Variants in KCNH8 observed in about 807,000 individuals in gnomAD.
The protein encoded by KCNH8 is potassium voltage-gated channel subfamily H member 8.
In KCNH8, 70 loss-of-function variants were observed where a neutral mutation model predicts 103.6. The observed-to-expected ratio is 0.68, with a 90% CI of 0.56 to 0.82. KCNH8 has a LOEUF of 0.82. Among genes scored for constraint, KCNH8 ranks in the 40% least tolerant of loss-of-function variants. KCNH8 has a pLI of 0.00. For synonymous variants in KCNH8, 498 were observed against 489.4 expected (o/e 1.02, Z -0.23); for missense variants, 1,217 against 1,329.9 (o/e 0.92, Z 1.32).
chr3:19,194,999 T>C (rs1407264618), intron 1 of KCNH8, among the ~76,000 whole-genome samples: 4 of 151,870 alleles, frequency 2.6e-5, no homozygotes, highest in Admixed American at 2.6e-4. Context: ...GTTAAAAGCA[T>C]TATGAGCAAG....
intron 1 of KCNH8, among the ~76,000 whole-genome samples, chr3:19,173,285 A>ACCTG (rs1262011587): frequency 1.1e-4 from 17 of 152,272 alleles, no homozygotes; most frequent in South Asian, 1.0e-3. Flanking sequence ...TGAGCACTGG[A>ACCTG]CCGGCAATGT....
In KCNH8 at chr3:19,518,018, G is replaced by C. The variant is rs148330866; in HGVS notation, c.2563G>C (p.Val855Leu). The change falls in exon 15 of 16, where the codon GTT becomes CTT. Residue 855 changes from valine to leucine, a missense_variant. This residue lies in a region of KCNH8 where 558 missense variants were observed against 495.8 expected (regional missense o/e 1.13). Coordinates refer to ENST00000328405, the MANE Select transcript of KCNH8 (RefSeq NM_144633.3). Reference protein sequence around the residue: ...PLGDPEIGAAVLFIKAEETKQ... With the variant: ...PLGDPEIGAALLFIKAEETKQ... ...TTCAGATCCAGAGATTGGAGCTGCT[G>C]TTCTCTTCATCAAAGCAGAGGAGAC... 6.7e-3 allele frequency: 10,732 copies of C among 1,612,168 alleles called. 66 individuals carry two copies. Among genetic ancestry groups the C allele is most frequent in the South Asian group, 0.019 (1,708 of 91,036 alleles).
chr3:19,149,365 C>T (rs980762213), intron 1 of KCNH8, among the ~76,000 whole-genome samples: 1 of 151,986 alleles, frequency 6.6e-6, no homozygotes, highest in Middle Eastern at 3.4e-3. Flanking sequence ...TCTTTTAATC[C>T]TTAAATGAGC....
intron 3 of KCNH8, among the ~76,000 whole-genome samples, chr3:19,338,841 T>A (rs2065620472): frequency 6.6e-6 from 1 of 152,160 alleles, no homozygotes; most frequent in African/African-American, 2.4e-5. Context: ...GTTTCATTCA[T>A]TTCCCATTTA....
rs139695788 is a variant in KCNH8, at chr3:19,215,190, G to T, written c.77-38464G>T. 3.6e-3 allele frequency among the ~76,000 whole-genome samples: 543 copies of T among 152,326 alleles called. 6 individuals carry two copies. Among genetic ancestry groups the T allele is most frequent in the African/African-American group, 0.012 (509 of 41,586 alleles). ...CATCAGGTTTATTTGGGGTAGAGTA[G>T]TTCTCCATTTCCTGGGAATTGTGCA... On this transcript the variant is annotated intron_variant, in intron 1 of 15. Coordinates refer to ENST00000328405, the MANE Select transcript of KCNH8 (RefSeq NM_144633.3).
chr3:19,345,508 G>C (rs2125318738), intron 4 of KCNH8, among the ~76,000 whole-genome samples: 1 of 152,126 alleles, frequency 6.6e-6, no homozygotes, highest in Admixed American at 6.6e-5. Flanking sequence ...AAATATGCTT[G>C]AAGATTAATA....
intron 1 of KCNH8, among the ~76,000 whole-genome samples, chr3:19,175,431 G>A (rs1240448966): frequency 6.6e-6 from 1 of 151,848 alleles, no homozygotes; most frequent in Non-Finnish European, 1.5e-5. Flanking sequence ...CCGTGGTCTC[G>A]ATCTCCTGAC....
At chr3:19,325,896 A>G (rs2065416198) in intron 3 of KCNH8, among the ~76,000 whole-genome samples, 1 of 152,236 alleles carries the variant, frequency 6.6e-6, no homozygotes, top group African/African-American at 2.4e-5. Flanking sequence ...ATGTATGTTC[A>G]TTGAAGCATT....
chr3:19,309,732 T>G (rs1575516290), intron 3 of KCNH8, among the ~76,000 whole-genome samples: 1 of 151,900 alleles, frequency 6.6e-6, no homozygotes, highest in Non-Finnish European at 1.5e-5. Flanking sequence ...AACATTTAGA[T>G]AGATACAGCC....
chr3:19,243,999 CTG>C (rs773539589), intron 1 of KCNH8, among the ~76,000 whole-genome samples: 1 of 152,070 alleles, frequency 6.6e-6, no homozygotes, highest in Non-Finnish European at 1.5e-5. Context: ...AGATAAATAA[CTG>C]TGTTTTTTGA....
intron 11 of KCNH8, among the ~76,000 whole-genome samples, chr3:19,507,766 A>G (rs2068720602): frequency 6.6e-6 from 1 of 152,118 alleles, no homozygotes; most frequent in South Asian, 2.1e-4. Context: ...GGGGATCTGC[A>G]CCAGTCCCTT....
chr3:19,416,377 G>A (rs2066863597), intron 7 of KCNH8, among the ~76,000 whole-genome samples: 1 of 151,830 alleles, frequency 6.6e-6, no homozygotes, highest in South Asian at 2.1e-4. Flanking sequence ...TTCAGATTTC[G>A]ATTCACTTTC....
Position 19,521,789 on chromosome 3 carries a change from A to T in KCNH8, c.2619+3715A>T, listed in dbSNP as rs555832847. Among the ~76,000 whole-genome samples the T allele has an allele frequency of 1.8e-4, 28 of 152,102 alleles. No individual in the cohort carries two copies. In the South Asian group the frequency reaches 4.8e-3, roughly 26 times the overall value. ...GTAATTGTGCTACTGTATTATTTTT[A>T]AAAAACATTTATTCTGTAAGACTTA... On this transcript the variant is annotated intron_variant, in intron 15 of 15. Coordinates refer to ENST00000328405, the MANE Select transcript of KCNH8 (RefSeq NM_144633.3).
intron 11 of KCNH8, 103 bp from the exon 12 acceptor site, chr3:19,510,260 A>AAACCG: frequency 4.0e-6 from 3 of 748,848 alleles, no homozygotes; most frequent in Non-Finnish European, 7.2e-6. Context: ...CTTCCCTCCC[A>AAACCG]CAAACTCTGT....
chr3:19,397,152 A>G (rs1472094289), intron 7 of KCNH8, among the ~76,000 whole-genome samples: 3 of 151,942 alleles, frequency 2.0e-5, no homozygotes, highest in African/African-American at 4.8e-5. Flanking sequence ...AACAATCTGA[A>G]TTGCTTCTAT....
chr3:19,534,145 A>G lies in KCNH8; in HGVS notation c.*46A>G. ...CAGCTAATTTCAAACCTACCACTGC[A>G]TGACAGTTTTAGTTTGCCTTTTTGC... On this transcript the variant is annotated 3_prime_UTR_variant, in exon 16 of 16. Transcript: ENST00000328405. 7.0e-7 allele frequency: 1 copy of G among 1,433,874 alleles called. No individual in the cohort carries two copies. The highest frequency in any genetic ancestry group is 9.7e-7 in the Non-Finnish European group (1 of 1,035,838). 88.8% of individuals were successfully genotyped at this position (1,433,874 alleles called of 1,614,324 possible). A position where few individuals can be genotyped will look rare whatever the true frequency, so the allele number is the denominator to read the frequency against.
intron 1 of KCNH8, among the ~76,000 whole-genome samples, chr3:19,216,178 A>G (rs2063815914): frequency 6.6e-6 from 1 of 152,192 alleles, no homozygotes; most frequent in African/African-American, 2.4e-5. Flanking sequence ...CTCCCATTAA[A>G]TTTTACCCTT....
intron 1 of KCNH8, among the ~76,000 whole-genome samples, chr3:19,193,159 A>G (rs1193883279): frequency 6.6e-6 from 1 of 151,846 alleles, no homozygotes; most frequent in East Asian, 1.9e-4. Flanking sequence ...TTTCAAATAC[A>G]TGCCATTTAA....
At chr3:19,302,950 G>T (rs577442887) in intron 3 of KCNH8, among the ~76,000 whole-genome samples, 1 of 151,886 alleles carries the variant, frequency 6.6e-6, no homozygotes, top group Admixed American at 6.6e-5. Flanking sequence ...ATTATCCTTG[G>T]GATACTGTCC....
Sources: gnomAD v4.1 joint callset for allele counts (sites outside exome capture counted in the v4.1 genomes callset) on GRCh38, gnomAD v4.1.1 for gene constraint, gnomAD v4.1.1 regional missense constraint, MANE v1.5 for transcripts, NCBI Gene and HGNC (gene_info 2026-07-23, HGNC 2026-07-21) for gene names.